The following ZBTB41 variants were observed in gnomAD, a reference collection of about 807,000 sequenced individuals.
ZBTB41 encodes zinc finger and BTB domain-containing protein 41.
Under a neutral mutation model 87.6 loss-of-function variants are expected in ZBTB41, and 42 were observed. That is an observed-to-expected ratio of 0.48 (90% CI 0.37 to 0.62). The LOEUF is 0.62. ZBTB41 is among the 20% of genes least tolerant of loss of function. The pLI is 0.00. For synonymous variants in ZBTB41, 364 were observed against 364.0 expected (o/e 1.00, Z 0.00); for missense variants, 799 against 1,078.9 (o/e 0.74, Z 3.63).
chr1:197,175,402 C>A (rs970219548), intron 8 of ZBTB41, among the ~76,000 whole-genome samples: 11 of 64,502 alleles, frequency 1.7e-4, no homozygotes, highest in African/African-American at 4.8e-4. Flanking sequence ...GCAAGATAAA[C>A]GAAACTACTT....
Position 197,191,713 on chromosome 1 carries a change from G to C in ZBTB41, c.1307C>G (p.Thr436Ser), listed in dbSNP as rs760574157. ...TTGCCTCTTAACATGCTTGGCTAAAGTCTTCTTGCTTGCATGAAGTTTATT... is the reference window on the plus strand; with the variant it reads ...TTGCCTCTTAACATGCTTGGCTAAACTCTTCTTGCTTGCATGAAGTTTATT... ...YCNKLHASKK[T>S]LAKHVKRFHP... Residue 436 changes from threonine to serine, a missense_variant, in exon 3 of 11, where the codon ACT becomes AGT. Thr to Ser is a moderately conservative substitution (Grantham distance 58). Around this residue, in one of 5 missense-constraint regions of ZBTB41, gnomAD observed 294 missense variants for 340.1 expected, o/e 0.86. Transcript: ENST00000367405. The C allele has an allele frequency of 1.2e-6, 2 of 1,612,708 alleles. No homozygotes were observed. The highest frequency in any genetic ancestry group is 1.1e-5 in the South Asian group (1 of 90,820).
intron 10 of ZBTB41, among the ~76,000 whole-genome samples, chr1:197,162,614 C>G (rs910993576): frequency 2.0e-5 from 3 of 152,154 alleles, no homozygotes; most frequent in Non-Finnish European, 1.5e-5. Context: ...CATATCATGG[C>G]TCTTACTGAT....
intron 10 of ZBTB41, among the ~76,000 whole-genome samples, chr1:197,168,164 A>T (rs978362916): frequency 6.6e-6 from 1 of 152,188 alleles, no homozygotes; most frequent in East Asian, 1.9e-4. Flanking sequence ...ATTTGATACA[A>T]AAATATCAAA....
In ZBTB41 at chr1:197,153,702, A is replaced by G. The variant is rs1420367166; in HGVS notation, c.*5657T>C. 6.6e-6 allele frequency: 1 copy of G among 152,188 alleles called. No homozygotes were observed. The highest frequency in any genetic ancestry group is 1.9e-4 in the East Asian group (1 of 5,200). The allele number at this position is 152,188 out of a possible 1,614,324, so 9.4% of individuals were successfully genotyped here. A position where few individuals can be genotyped will look rare whatever the true frequency, so the allele number is the denominator to read the frequency against. The stretch of plus-strand genomic sequence containing the variant: ...CTGTATTAGGACCAAAGAACTTTAT[A>G]TTTATTTTAAATATCAAAGTAACAC... On this transcript the variant is annotated 3_prime_UTR_variant, in exon 11 of 11. Coordinates refer to ENST00000367405, the MANE Select transcript of ZBTB41 (RefSeq NM_194314.3).
At chr1:197,193,521 CAT>C in intron 2 of ZBTB41, among the ~76,000 whole-genome samples, 1 of 152,216 alleles carries the variant, frequency 6.6e-6, no homozygotes, top group African/African-American at 2.4e-5. Flanking sequence ...AACATGGATA[CAT>C]CTGATTTATG....
At position 197,191,592 on chromosome 1, in the gene ZBTB41, A is replaced by G. The variant is rs145278588; in HGVS notation, c.1328+100T>C. Reference sequence around the variant, plus strand: ...ACTGTATCTCAATGAATCTCCAATGAAAGAATTGGAGATAAGCACTTTATA... The same window carrying G: ...ACTGTATCTCAATGAATCTCCAATGGAAGAATTGGAGATAAGCACTTTATA... On this transcript the variant is annotated intron_variant, in intron 3 of 10. Coordinates refer to ENST00000367405, the MANE Select transcript of ZBTB41 (RefSeq NM_194314.3). 5.2e-4 allele frequency: 470 copies of G among 907,928 alleles called. 5 individuals carry two copies. The East Asian group carries it at 0.013, about 25-fold the overall frequency. 56.2% of individuals were successfully genotyped at this position (907,928 alleles called of 1,614,324 possible). A position where few individuals can be genotyped will look rare whatever the true frequency, so the allele number is the denominator to read the frequency against.
At chr1:197,192,046 TTCTACC>T in intron 2 of ZBTB41, 147 bp from the exon 3 acceptor site, 1 of 557,640 alleles carries the variant, frequency 1.8e-6, no homozygotes. Context: ...TTACGTAAAT[TTCTACC>T]TCTGATAAAC....
chr1:197,164,529 G>A (rs1659269602), intron 10 of ZBTB41, among the ~76,000 whole-genome samples: 1 of 150,528 alleles, frequency 6.6e-6, no homozygotes, highest in African/African-American at 2.4e-5. Context: ...GTCCAAAGAA[G>A]GCTTGGAAGT....
At position 197,166,611 on chromosome 1, in the gene ZBTB41, C is replaced by T. The variant is rs148012550; in HGVS notation, c.2074+5549G>A. ...CTGTAATCCCAGCACTTTGGGAGGC[C>T]GAGGTGGGTAGATCACAAGGTCAGG... On this transcript the variant is annotated intron_variant, in intron 10 of 10. Coordinates refer to ENST00000367405, the MANE Select transcript of ZBTB41 (RefSeq NM_194314.3). Among the ~76,000 whole-genome samples, 961 of 151,794 alleles carry T rather than the reference C, an allele frequency of 6.3e-3. 8 individuals are homozygous for T. Among genetic ancestry groups the T allele is most frequent in the African/African-American group, 0.022 (896 of 41,392 alleles).
Position 197,191,829 on chromosome 1 carries a change from G to T in ZBTB41, c.1191C>A (p.Arg397=), listed in dbSNP as rs985162485. The part of the protein sequence containing the change: ...KPFECDICHQ[R]YSTKSNLTVH... ...CAGTTAGGTTAGACTTTGTTGAATA[G>T]CGCTGGTGACAAATATCACACTCAA... The change falls in exon 3 of 11, where the codon CGC becomes CGA. Residue 397 remains arginine (R), a synonymous_variant. Transcript: ENST00000367405. 6.2e-7 allele frequency: 1 copy of T among 1,613,846 alleles called. No individual in the cohort carries two copies. Among genetic ancestry groups the T allele is most frequent in the Non-Finnish European group, 8.5e-7 (1 of 1,179,904 alleles).
intron 3 of ZBTB41, 23 bp downstream of exon 3, chr1:197,191,669 T>A (rs747532189): frequency 3.1e-6 from 5 of 1,590,280 alleles, no homozygotes; most frequent in Non-Finnish European, 4.3e-6. Context: ...TAAAGTATAT[T>A]ATGGAAGCAA....
intron 5 of ZBTB41, 78 bp downstream of exon 5, chr1:197,188,214 C>G: frequency 6.7e-7 from 1 of 1,500,712 alleles, no homozygotes; most frequent in African/African-American, 1.4e-5. Flanking sequence ...AAGAGTAATT[C>G]AGCTATAGAA....
chr1:197,171,157 C>T (rs1659466740), intron 10 of ZBTB41, among the ~76,000 whole-genome samples: 1 of 152,074 alleles, frequency 6.6e-6, no homozygotes, highest in Admixed American at 6.6e-5. Flanking sequence ...AGTTCACCAT[C>T]TCTTTCAAGT....
chr1:197,192,967 A>G (rs1660071325), intron 2 of ZBTB41, among the ~76,000 whole-genome samples: 1 of 152,156 alleles, frequency 6.6e-6, no homozygotes, highest in African/African-American at 2.4e-5. Context: ...AAAGGAAACC[A>G]ATGTATTTCC....
At chr1:197,191,402 A>C (rs995702425) in intron 3 of ZBTB41, among the ~76,000 whole-genome samples, 3 of 145,756 alleles carry the variant, frequency 2.1e-5, no homozygotes, top group Non-Finnish European at 4.5e-5. Context: ...GGTTGCAGTG[A>C]GCTGAGATTG....
At chr1:197,193,974 G>A (rs1660094754) in intron 2 of ZBTB41, among the ~76,000 whole-genome samples, 6 of 152,058 alleles carry the variant, frequency 3.9e-5, no homozygotes, top group Admixed American at 3.9e-4. Context: ...AGATTCTCAA[G>A]ATTGAGAGAC....
rs762563723 is a variant in ZBTB41, at chr1:197,191,768, G to A, written c.1252C>T (p.His418Tyr). Reference sequence around the variant, plus strand: ...TAAGGGCACTTGTGCTCCTTCTTATGAAATTCTGTTTCATTACTGTGCTTC... The same window carrying A: ...TAAGGGCACTTGTGCTCCTTCTTATAAAATTCTGTTTCATTACTGTGCTTC... Reference protein sequence around the residue: ...RKKHSNETEFHKKEHKCPYCN... With the variant: ...RKKHSNETEFYKKEHKCPYCN... The change falls in exon 3 of 11, where the codon CAT becomes TAT. Residue 418 changes from histidine to tyrosine, a missense_variant. Transcript: ENST00000367405. 3 of 1,613,638 alleles carry A rather than the reference G, an allele frequency of 1.9e-6. No individual in the cohort carries two copies. In the African/African-American group the frequency reaches 4.0e-5, roughly 22 times the overall value.
rs759997626 is a variant in ZBTB41, at chr1:197,199,677, G to A, written c.797C>T (p.Thr266Ile). ...NRKCPVKFDDTSDDEQESGDG... is the reference protein window; with the variant it reads ...NRKCPVKFDDISDDEQESGDG... ...ACCACTTTCCTGTTCATCATCGCTG[G>A]TGTCATCAAACTTAACAGGGCACTT... The change falls in exon 2 of 11, where the codon ACC becomes ATC. Residue 266 changes from threonine to isoleucine, a missense_variant. Transcript: ENST00000367405. 6.8e-6 allele frequency: 11 copies of A among 1,613,310 alleles called. No homozygotes were observed. The highest frequency in any genetic ancestry group is 1.3e-5 in the African/African-American group (1 of 74,840).
intron 3 of ZBTB41, 63 bp from the exon 4 acceptor site, chr1:197,190,894 G>T: frequency 9.2e-7 from 1 of 1,086,754 alleles, no homozygotes; most frequent in Non-Finnish European, 1.3e-6. Context: ...AATATTCCAT[G>T]TGAATATGTT....
Sources: gnomAD v4.1 joint callset for allele counts (sites outside exome capture counted in the v4.1 genomes callset) on GRCh38, gnomAD v4.1.1 for gene constraint, gnomAD v4.1.1 regional missense constraint, MANE v1.5 for transcripts, NCBI Gene and HGNC (gene_info 2026-07-23, HGNC 2026-07-21) for gene names.